ANP32E: variants seen among roughly 807,000 people sequenced by gnomAD.
ANP32E encodes the protein acidic nuclear phosphoprotein 32 family member E.
In ANP32E, 14 loss-of-function variants were observed where a neutral mutation model predicts 35.3. The ratio of observed to expected loss-of-function variants is 0.40; its 90% CI spans 0.26 to 0.62. ANP32E has a LOEUF of 0.62. ANP32E is among the 20% of genes least tolerant of loss of function. ANP32E has a pLI of 0.45. For synonymous variants in ANP32E, 89 were observed against 110.4 expected (o/e 0.81, Z 1.22); for missense variants, 198 against 304.4 (o/e 0.65, Z 2.60).
At chr1:150,230,027 C>T (rs1365163202) in intron 3 of ANP32E, among the ~76,000 whole-genome samples, 3 of 152,176 alleles carry the variant, frequency 2.0e-5, no homozygotes, top group African/African-American at 7.2e-5. Flanking sequence ...ACCAGCTCAC[C>T]TGGCTAATTT....
chr1:150,230,745 A>G, intron 2 of ANP32E, 52 bp from the exon 3 acceptor site: 1 of 1,404,708 alleles, frequency 7.1e-7, no homozygotes, highest in South Asian at 1.3e-5. Flanking sequence ...ATCATATCAA[A>G]CTTTTTTTTT....
In ANP32E at chr1:150,219,366, AT is replaced by A. The variant is rs1648164662; in HGVS notation, c.*1324del. 1 of 152,222 alleles carries A rather than the reference AT, an allele frequency of 6.6e-6. No homozygotes were observed. The highest frequency in any genetic ancestry group is 2.1e-4 in the South Asian group (1 of 4,828). 9.4% of individuals were successfully genotyped at this position (152,222 alleles called of 1,614,324 possible). A position where few individuals can be genotyped will look rare whatever the true frequency, so the allele number is the denominator to read the frequency against. The stretch of plus-strand genomic sequence containing the variant: ...AAACACACACTCACTTATCCCAAAT[AT>A]TTTTCTACTTTTAATGGACATCCAC... On this transcript the variant is annotated 3_prime_UTR_variant, in exon 7 of 7. Transcript: ENST00000583931.
At chr1:150,226,821 T>C in intron 4 of ANP32E, 26 bp from the exon 5 acceptor site, 1 of 1,586,114 alleles carries the variant, frequency 6.3e-7, no homozygotes, top group South Asian at 1.1e-5. Context: ...TAAAGATGAG[T>C]AAATGACTGG....
At chr1:150,231,683 A>C (rs1307609737) in intron 2 of ANP32E, 94 bp downstream of exon 2, 1 of 1,159,180 alleles carries the variant, frequency 8.6e-7, no homozygotes, top group African/African-American at 4.1e-5. Context: ...AAAAACTTCT[A>C]ATTAACAAGC....
intron 6 of ANP32E, among the ~76,000 whole-genome samples, chr1:150,222,300 T>TC (rs1648480516): frequency 6.6e-6 from 1 of 150,988 alleles, no homozygotes; most frequent in Non-Finnish European, 1.5e-5. Context: ...GCGCCTATAG[T>TC]CCCAGCTACT....
At chr1:150,222,247 C>T (rs1418503419) in intron 6 of ANP32E, among the ~76,000 whole-genome samples, 4 of 151,408 alleles carry the variant, frequency 2.6e-5, no homozygotes, top group East Asian at 1.9e-4. Context: ...GGTGAAACCC[C>T]GTCTCTACTA....
At chr1:150,227,853 C>T (rs1300685756) in intron 4 of ANP32E, among the ~76,000 whole-genome samples, 2 of 148,632 alleles carry the variant, frequency 1.3e-5, no homozygotes, top group Non-Finnish European at 3.0e-5. Context: ...TATCCTATTA[C>T]TAACAGCTAT....
At position 150,218,878 on chromosome 1, in the gene ANP32E, G is replaced by A. The variant is rs1214153529; in HGVS notation, c.*1813C>T. 1.3e-5 allele frequency: 2 copies of A among 152,558 alleles called. No homozygotes were observed. The highest frequency in any genetic ancestry group is 2.9e-5 in the Non-Finnish European group (2 of 68,002). 9.5% of individuals were successfully genotyped at this position (152,558 alleles called of 1,614,324 possible). The stretch of plus-strand genomic sequence containing the variant: ...TATATAGATTTCATTTTAAAAATAA[G>A]TATTTTGTAATCTGGCATAGTATGT... On this transcript the variant is annotated 3_prime_UTR_variant, in exon 7 of 7. Coordinates refer to ENST00000583931, the MANE Select transcript of ANP32E (RefSeq NM_030920.5).
chr1:150,232,360 A>AAT (rs1201482344), intron 1 of ANP32E, among the ~76,000 whole-genome samples: 45,043 of 132,072 alleles, frequency 0.34, 10,438 homozygotes, highest in East Asian at 0.59. Flanking sequence ...AAAAAAAAAT[A>AAT]ACAACACAAC....
chr1:150,220,471 C>A lies in ANP32E; in HGVS notation c.*220G>T. 3 of 463,154 alleles carry A rather than the reference C, an allele frequency of 6.5e-6. No individual in the cohort carries two copies. The highest frequency in any genetic ancestry group is 3.7e-5 in the East Asian group (1 of 27,022). The allele number at this position is 463,154 out of a possible 1,614,324, so 28.7% of individuals were successfully genotyped here. A position where few individuals can be genotyped will look rare whatever the true frequency, so the allele number is the denominator to read the frequency against. ...AGTCTAAATAAATTGCTAGGGAATT[C>A]CACAATGGGAGTCAATGAAAATTTT... On this transcript the variant is annotated 3_prime_UTR_variant, in exon 7 of 7. Coordinates refer to ENST00000583931, the MANE Select transcript of ANP32E (RefSeq NM_030920.5).
At position 150,218,542 on chromosome 1, in the gene ANP32E, A is replaced by C. The variant is rs1204033111; in HGVS notation, c.*2149T>G. On this transcript the variant is annotated 3_prime_UTR_variant, in exon 7 of 7. Coordinates refer to ENST00000583931, the MANE Select transcript of ANP32E (RefSeq NM_030920.5). ...TAAAAGAATAATCAGGAGTACTGCA[A>C]ATTTTTTTGTTTGTTTTTAACACTG... is the stretch of plus-strand genomic sequence containing the variant. 1.3e-5 allele frequency: 2 copies of C among 152,640 alleles called. No individual in the cohort carries two copies. Among genetic ancestry groups the C allele is most frequent in the African/African-American group, 4.8e-5 (2 of 41,452 alleles). The allele number at this position is 152,640 out of a possible 1,614,324, so 9.5% of individuals were successfully genotyped here.
At position 150,235,792 on chromosome 1, in the gene ANP32E, C is replaced by T. The variant is rs782751276; in HGVS notation, c.-6G>A. On this transcript the variant is annotated 5_prime_UTR_variant, in exon 1 of 7. Transcript: ENST00000583931. This position sits in a 1 kb window ranked among gnomAD's most constrained non-coding sequence, Gnocchi z 4.2. ...ATCTTCTTCTTCATCTCCATGTCCTCCTCTTGCTCTTCAGCTACTACTCTC... is the reference window on the plus strand; with the variant it reads ...ATCTTCTTCTTCATCTCCATGTCCTTCTCTTGCTCTTCAGCTACTACTCTC... 6.3e-7 allele frequency: 1 copy of T among 1,588,550 alleles called. No homozygotes were observed. Among genetic ancestry groups the T allele is most frequent in the South Asian group, 1.1e-5 (1 of 88,732 alleles).
At chr1:150,224,333 G>A (rs1648697865) in intron 5 of ANP32E, among the ~76,000 whole-genome samples, 1 of 152,146 alleles carries the variant, frequency 6.6e-6, no homozygotes, top group African/African-American at 2.4e-5. Flanking sequence ...AGCACTTTGG[G>A]AGGCTGAGGT....
Position 150,235,029 on chromosome 1 carries a change from G to C in ANP32E, c.54+704C>G, listed in dbSNP as rs1230280218. Among the ~76,000 whole-genome samples the C allele has an allele frequency of 2.6e-5, 4 of 152,228 alleles. No individual in the cohort carries two copies. The highest frequency in any genetic ancestry group is 4.4e-5 in the Non-Finnish European group (3 of 68,036). Reference sequence around the variant, plus strand: ...CACGACGTGCCACATATCGTTACACGGCGGGGGAAGAAGCGGATTACGCCT... The same window carrying C: ...CACGACGTGCCACATATCGTTACACCGCGGGGGAAGAAGCGGATTACGCCT... On this transcript the variant is annotated intron_variant, in intron 1 of 6. Coordinates refer to ENST00000583931, the MANE Select transcript of ANP32E (RefSeq NM_030920.5). This position sits in a 1 kb window ranked among gnomAD's most constrained non-coding sequence, Gnocchi z 4.2.
In ANP32E at chr1:150,220,657, C is replaced by A; in HGVS notation, c.*34G>T. ...AAGATGTGATCACTCTATTGCACAC[C>A]CAGAAACATTAGAGAATCTGGTCTT... is the stretch of plus-strand genomic sequence containing the variant. On this transcript the variant is annotated 3_prime_UTR_variant, in exon 7 of 7. Coordinates refer to ENST00000583931, the MANE Select transcript of ANP32E (RefSeq NM_030920.5). The A allele has an allele frequency of 6.3e-7, 1 of 1,594,456 alleles. No homozygotes were observed.
intron 5 of ANP32E, 105 bp from the exon 6 acceptor site, chr1:150,223,345 G>A: frequency 7.1e-7 from 1 of 1,409,830 alleles, no homozygotes; most frequent in Non-Finnish European, 9.7e-7. Flanking sequence ...GTTATTCTGT[G>A]TTTTGACAAC....
chr1:150,231,072 G>A (rs989554438), intron 2 of ANP32E, among the ~76,000 whole-genome samples: 4 of 151,614 alleles, frequency 2.6e-5, no homozygotes, highest in East Asian at 3.9e-4. Context: ...ATATCAATTT[G>A]AAGAAAAAAA....
intron 6 of ANP32E, among the ~76,000 whole-genome samples, chr1:150,221,348 A>T (rs1429255771): frequency 6.7e-6 from 1 of 150,136 alleles, no homozygotes; most frequent in African/African-American, 2.5e-5. Context: ...CTGGGGCAGG[A>T]GAATTGTTTG....
Position 150,235,663 on chromosome 1 carries a change from A to G in ANP32E, c.54+70T>C. The G allele has an allele frequency of 6.2e-7, 1 of 1,601,636 alleles. No homozygotes were observed. Among genetic ancestry groups the G allele is most frequent in the Non-Finnish European group, 8.5e-7 (1 of 1,171,608 alleles). The stretch of plus-strand genomic sequence containing the variant: ...TTACTCCATCCCCGCACACCCACCC[A>G]GGACCACCAGAAATCCGATCCTCAG... On this transcript the variant is annotated intron_variant, in intron 1 of 6. Transcript: ENST00000583931. This position sits in a 1 kb window ranked among gnomAD's most constrained non-coding sequence, Gnocchi z 4.2.
Sources: gnomAD v4.1 joint callset for allele counts (sites outside exome capture counted in the v4.1 genomes callset) on GRCh38, gnomAD v4.1.1 for gene constraint, Gnocchi (gnomAD v3.1) non-coding constraint, MANE v1.5 for transcripts, NCBI Gene and HGNC (gene_info 2026-07-23, HGNC 2026-07-21) for gene names.